The following TEX11 variants were observed in gnomAD, a reference collection of about 807,000 sequenced individuals.
TEX11 encodes the protein testis-expressed protein 11.
TEX11 carries 7 observed loss-of-function variants against 84.4 expected under a neutral mutation model. The observed-to-expected ratio is 0.08, with a 90% CI of 0.05 to 0.16. TEX11 has a LOEUF of 0.16. TEX11 is among the 10% of genes least tolerant of loss of function. The pLI is 1.00. For synonymous variants in TEX11, 264 were observed against 222.8 expected (o/e 1.18, Z -1.64); for missense variants, 551 against 660.5 (o/e 0.83, Z 1.82).
At chrX:70,535,545 G>T (rs1215922164) in intron 28 of TEX11, among the ~76,000 whole-genome samples, 1 of 111,375 alleles carries the variant, frequency 9.0e-6, no homozygotes, top group Admixed American at 9.5e-5. Flanking sequence ...TCAGAAGGTT[G>T]AGACCAGCCT....
chrX:70,599,514 G>A (rs971188513), intron 24 of TEX11, among the ~76,000 whole-genome samples: 1 of 41,998 alleles, frequency 2.4e-5, no homozygotes, highest in Non-Finnish European at 7.1e-5. Context: ...AAATCAACAA[G>A]TATTCTTTTT....
intron 9 of TEX11, among the ~76,000 whole-genome samples, chrX:70,805,004 T>C (rs1385454263): frequency 2.2e-5 from 2 of 92,514 alleles, no homozygotes; most frequent in Non-Finnish European, 4.3e-5. Flanking sequence ...TGGATCTCCC[T>C]ATTCCTGCCT....
At chrX:70,601,634 T>C in intron 24 of TEX11, among the ~76,000 whole-genome samples, 1 of 95,226 alleles carries the variant, frequency 1.1e-5, no homozygotes, top group Middle Eastern at 5.1e-3. Context: ...GGTCAGCAGA[T>C]AAACAAGTGA....
At chrX:70,821,995 T>C (rs1278983522) in intron 8 of TEX11, among the ~76,000 whole-genome samples, 1 of 111,562 alleles carries the variant, frequency 9.0e-6, no homozygotes, top group Non-Finnish European at 1.9e-5. Context: ...TCAAGTCCCT[T>C]ATATAAAATG....
At chrX:70,588,932 CA>C (rs1174379817) in intron 25 of TEX11, among the ~76,000 whole-genome samples, 1,312 of 50,449 alleles carry the variant, frequency 0.026, 8 homozygotes, top group Non-Finnish European at 0.031. Flanking sequence ...AACCCCAACT[CA>C]AAAAAAAAAA....
chrX:70,860,849 A>G lies in TEX11; in HGVS notation c.324+8T>C. On this transcript the variant is annotated splice_region_variant and intron_variant, in intron 5 of 29. Transcript: ENST00000374333. ...TTCATCTCCACTTTCTCCTAAATTAAGACTTACCATAATCAGTCGTTGAAT... is the reference window on the plus strand; with the variant it reads ...TTCATCTCCACTTTCTCCTAAATTAGGACTTACCATAATCAGTCGTTGAAT... 1 of 1,164,344 alleles carries G rather than the reference A, an allele frequency of 8.6e-7. No individual in the cohort carries two copies. The highest frequency in any genetic ancestry group is 1.2e-6 in the Non-Finnish European group (1 of 858,405).
intron 24 of TEX11, among the ~76,000 whole-genome samples, chrX:70,593,758 G>A (rs547990750): frequency 9.0e-6 from 1 of 111,311 alleles, no homozygotes; most frequent in South Asian, 3.8e-4. Context: ...TCACTAGAGG[G>A]TATCAACATT....
intron 9 of TEX11, among the ~76,000 whole-genome samples, chrX:70,750,542 C>T (rs1395028336): frequency 9.1e-6 from 1 of 109,457 alleles, no homozygotes; most frequent in African/African-American, 3.3e-5. Flanking sequence ...CAATGATAGA[C>T]TGGTTTAAGA....
intron 9 of TEX11, among the ~76,000 whole-genome samples, chrX:70,806,370 C>T (rs775525142): frequency 9.1e-6 from 1 of 109,490 alleles, no homozygotes; most frequent in Non-Finnish European, 1.9e-5. Flanking sequence ...GTCAGAGGAT[C>T]GCTTGAGCCC....
At chrX:70,750,080 A>T (rs1346445113) in intron 9 of TEX11, among the ~76,000 whole-genome samples, 1 of 111,596 alleles carries the variant, frequency 9.0e-6, no homozygotes, top group Non-Finnish European at 1.9e-5. Flanking sequence ...TTACAAGAAA[A>T]AAACAAACAA....
At chrX:70,539,038 A>ATATATATATATATTTT in intron 28 of TEX11, among the ~76,000 whole-genome samples, 40 of 41,241 alleles carry the variant, frequency 9.7e-4, no homozygotes, top group South Asian at 2.6e-3. Context: ...ATATATATAT[A>ATATATATATATATTTT]TTTTTTTTTT....
chrX:70,699,281 C>G (rs2090306556), intron 13 of TEX11, among the ~76,000 whole-genome samples: 1 of 111,697 alleles, frequency 9.0e-6, no homozygotes, highest in African/African-American at 3.3e-5. Context: ...CAGCCACTAT[C>G]TGACTGCAAC....
In TEX11 at chrX:70,693,392, T is replaced by C. The variant is rs988616678; in HGVS notation, c.1005-10567A>G. Among the ~76,000 whole-genome samples the C allele has an allele frequency of 7.1e-5, 8 of 112,178 alleles. No homozygotes were observed. The Admixed American group carries it at 7.6e-4, about 11-fold the overall frequency. Reference sequence around the variant, plus strand: ...TTAGTGGTTAATGGTTTAAAAAATGTGGTATATATTTATATACAATGGAAT... The same window carrying C: ...TTAGTGGTTAATGGTTTAAAAAATGCGGTATATATTTATATACAATGGAAT... On this transcript the variant is annotated intron_variant, in intron 13 of 29. Transcript: ENST00000374333.
chrX:70,838,756 G>A (rs1381055958), intron 7 of TEX11, among the ~76,000 whole-genome samples: 2 of 112,149 alleles, frequency 1.8e-5, no homozygotes, highest in African/African-American at 6.5e-5. Flanking sequence ...AGTGACAGAT[G>A]GCACCTGGAA....
At chrX:70,908,208 GAACAGTCCTGCTTC>G (rs1891152044) in intron 1 of TEX11, among the ~76,000 whole-genome samples, 2 of 110,995 alleles carry the variant, frequency 1.8e-5, no homozygotes, top group Admixed American at 1.9e-4. Flanking sequence ...CAACGGTCAT[GAACAGTCCTGCTTC>G]AACGTAATTT....
intron 9 of TEX11, among the ~76,000 whole-genome samples, chrX:70,798,030 G>T (rs1348410403): frequency 9.7e-6 from 1 of 102,653 alleles, no homozygotes; most frequent in Non-Finnish European, 2.0e-5. Context: ...AAGATGAGGG[G>T]GGGGGAAAGG....
At chrX:70,740,572 G>T in intron 11 of TEX11, 129 bp downstream of exon 11, 1 of 374,297 alleles carries the variant, frequency 2.7e-6, no homozygotes, top group Non-Finnish European at 4.5e-6. Context: ...TTTCCTTTCT[G>T]TGCTATAGAA....
intron 8 of TEX11, among the ~76,000 whole-genome samples, chrX:70,813,316 T>G (rs1482586967): frequency 8.9e-6 from 1 of 111,741 alleles, no homozygotes; most frequent in African/African-American, 3.3e-5. Flanking sequence ...ATGAATGTAA[T>G]CCAGCATATA....
intron 11 of TEX11, among the ~76,000 whole-genome samples, chrX:70,729,891 G>A (rs2090631454): frequency 1.8e-5 from 2 of 111,991 alleles, no homozygotes; most frequent in African/African-American, 6.5e-5. Flanking sequence ...AGGAAAAAAT[G>A]TTACGGGCAG....
Sources: gnomAD v4.1 joint callset for allele counts (sites outside exome capture counted in the v4.1 genomes callset) on GRCh38, gnomAD v4.1.1 for gene constraint, MANE v1.5 for transcripts, NCBI Gene and HGNC (gene_info 2026-07-23, HGNC 2026-07-21) for gene names.